LY6S: variants seen among roughly 807,000 people sequenced by gnomAD.
The protein encoded by LY6S is lymphocyte antigen 6S.
At chr8:143,064,119 T>C in the LY6S span, among the ~76,000 whole-genome samples, 2 of 152,238 alleles carry the variant, frequency 1.3e-5, no homozygotes, top group Non-Finnish European at 2.9e-5. Context: ...GTTATTCACA[T>C]GCATGCTGAT....
the LY6S span, among the ~76,000 whole-genome samples, chr8:143,067,358 T>A: frequency 6.6e-6 from 1 of 152,246 alleles, no homozygotes; most frequent in African/African-American, 2.4e-5. Context: ...TTTAGGGCTG[T>A]GCAGGGTATG....
At chr8:143,057,221 C>A in the LY6S span, 1 of 285,888 alleles carries the variant, frequency 3.5e-6, no homozygotes, top group Non-Finnish European at 6.9e-6. Context: ...GCTTTATAAG[C>A]CTTTAGTCTC....
chr8:143,040,906 C>T, the LY6S span, among the ~76,000 whole-genome samples: 31 of 152,188 alleles, frequency 2.0e-4, no homozygotes, highest in Admixed American at 5.2e-4. Context: ...CCCCCTGAGC[C>T]GTAAAACCAG....
chr8:143,044,937 T>G, the LY6S span: 22 of 854,634 alleles, frequency 2.6e-5, no homozygotes, highest in Non-Finnish European at 3.3e-5. Context: ...ACCTTTGCAA[T>G]AGCCCCACAC....
At chr8:143,076,413 C>T in the LY6S span, among the ~76,000 whole-genome samples, 3 of 152,174 alleles carry the variant, frequency 2.0e-5, no homozygotes, top group African/African-American at 7.2e-5. Context: ...CACCTATCCC[C>T]AGATTAAGAC....
chr8:143,056,273 A>C, the LY6S span, among the ~76,000 whole-genome samples: 1 of 149,976 alleles, frequency 6.7e-6, no homozygotes, highest in Non-Finnish European at 1.5e-5. Flanking sequence ...GGAAACATAT[A>C]GACTTTAATT....
At chr8:143,049,083 C>T in the LY6S span, 1 of 482,456 alleles carries the variant, frequency 2.1e-6, no homozygotes, top group South Asian at 1.6e-5. Flanking sequence ...TGCCAAATGC[C>T]CGTGACCTCC....
chr8:143,048,998 C>T, the LY6S span, among the ~76,000 whole-genome samples: 1 of 152,092 alleles, frequency 6.6e-6, no homozygotes, highest in South Asian at 2.1e-4. Context: ...AGACGTTGGG[C>T]CCCCCAGCCA....
chr8:143,056,976 T>C, the LY6S span: 16 of 226,742 alleles, frequency 7.1e-5, no homozygotes, highest in Non-Finnish European at 1.4e-4. Context: ...TTCATACATA[T>C]TGGAAGTCTT....
the LY6S span, among the ~76,000 whole-genome samples, chr8:143,059,460 G>A: frequency 2.0e-5 from 3 of 151,890 alleles, no homozygotes; most frequent in Non-Finnish European, 4.4e-5. Context: ...AACTTATAAC[G>A]ATCCCAAATG....
At chr8:143,051,986 AAAG>A in the LY6S span, among the ~76,000 whole-genome samples, 125 of 144,152 alleles carry the variant, frequency 8.7e-4, no homozygotes, top group Non-Finnish European at 1.4e-3. Flanking sequence ...AAAAAAAAGA[AAAG>A]AAAAGAAAAA....
the LY6S span, chr8:143,054,071 C>G: frequency 6.6e-6 from 1 of 152,166 alleles, no homozygotes; most frequent in Admixed American, 6.6e-5. Context: ...CTTTGGGAAG[C>G]CAAGGCGGGT....
the LY6S span, among the ~76,000 whole-genome samples, chr8:143,070,424 ATATATATATTATATATATAT>A: frequency 4.9e-5 from 5 of 102,426 alleles, 1 homozygote; most frequent in African/African-American, 2.7e-4. Flanking sequence ...ATATATATTT[ATATATATATTATATATATAT>A]TGTATATATA....
the LY6S span, among the ~76,000 whole-genome samples, chr8:143,065,175 A>G: frequency 6.6e-6 from 1 of 152,112 alleles, no homozygotes; most frequent in Non-Finnish European, 1.5e-5. Context: ...CAAAATTAGT[A>G]CCTTGCCTAA....
chr8:143,074,422 A>G, the LY6S span, among the ~76,000 whole-genome samples: 2 of 152,114 alleles, frequency 1.3e-5, no homozygotes, highest in African/African-American at 4.8e-5. Flanking sequence ...CTGAAACTTC[A>G]TCAATCCTTT....
the LY6S span, among the ~76,000 whole-genome samples, chr8:143,069,688 T>G: frequency 1.3e-5 from 2 of 152,170 alleles, no homozygotes; most frequent in East Asian, 3.9e-4. Flanking sequence ...CCTTTGCCTT[T>G]CCCCCCACAT....
the LY6S span, among the ~76,000 whole-genome samples, chr8:143,052,547 C>G: frequency 1.3e-5 from 2 of 152,170 alleles, no homozygotes; most frequent in African/African-American, 4.8e-5. Flanking sequence ...GCTTTAAATA[C>G]CTTTTGGTTT....
chr8:143,076,235 G>T, the LY6S span, among the ~76,000 whole-genome samples: 2 of 152,320 alleles, frequency 1.3e-5, no homozygotes, highest in East Asian at 3.9e-4. Context: ...GTCTAAGAAA[G>T]ACAGCACCTG....
At chr8:143,072,643 G>T in the LY6S span, among the ~76,000 whole-genome samples, 4 of 112,452 alleles carry the variant, frequency 3.6e-5, no homozygotes, top group African/African-American at 1.4e-4. Context: ...GGAGACAGCC[G>T]TCGTCCTCGG....
Sources: gnomAD v4.1 joint callset for allele counts (sites outside exome capture counted in the v4.1 genomes callset) on GRCh38, gnomAD v4.1.1 for gene constraint, MANE v1.5 for transcripts, NCBI Gene and HGNC (gene_info 2026-07-23, HGNC 2026-07-21) for gene names.